The following DGKG variants were observed in gnomAD, a reference collection of about 807,000 sequenced individuals.
The protein encoded by DGKG is diacylglycerol kinase gamma.
Under a neutral mutation model 105.3 loss-of-function variants are expected in DGKG, and 78 were observed. That is an observed-to-expected ratio of 0.74 (90% CI 0.62 to 0.89). The LOEUF (loss-of-function observed/expected upper bound fraction) is 0.89. Among genes scored for constraint, DGKG ranks in the 40% least tolerant of loss-of-function variants. The pLI is 0.00. For missense variants in DGKG, 958 were observed against 1,020.1 expected, an observed-to-expected ratio of 0.94 and a Z score of 0.83; for synonymous variants, 346 against 367.1, an observed-to-expected ratio of 0.94 and a Z score of 0.66.
chr3:186,293,901 A>G (rs1723423876), intron 5 of DGKG, among the ~76,000 whole-genome samples: 1 of 149,606 alleles, frequency 6.7e-6, no homozygotes, highest in Admixed American at 6.7e-5. Context: ...TAATTAAGAC[A>G]TCTGTGGAAG....
chr3:186,167,073 A>C (rs2108482482), intron 22 of DGKG, among the ~76,000 whole-genome samples: 1 of 151,282 alleles, frequency 6.6e-6, no homozygotes, highest in South Asian at 2.1e-4. Flanking sequence ...CCCACACATT[A>C]CCTTGCTTCC....
chr3:186,202,894 C>G (rs527448666), intron 21 of DGKG, among the ~76,000 whole-genome samples: 6 of 152,178 alleles, frequency 3.9e-5, no homozygotes, highest in African/African-American at 1.2e-4. Context: ...ACTTCTAAGT[C>G]CACGGAAGAC....
At chr3:186,244,059 G>C (rs1329976860) in intron 19 of DGKG, among the ~76,000 whole-genome samples, 1 of 151,900 alleles carries the variant, frequency 6.6e-6, no homozygotes, top group Non-Finnish European at 1.5e-5. Context: ...ATCACACCGG[G>C]CTAATTTTTG....
At chr3:186,247,528 C>T (rs1721001395) in intron 19 of DGKG, among the ~76,000 whole-genome samples, 1 of 152,222 alleles carries the variant, frequency 6.6e-6, no homozygotes, top group Non-Finnish European at 1.5e-5. Context: ...CCTCGGTTTA[C>T]ATACCTACTT....
At chr3:186,188,092 G>A (rs765143020) in intron 22 of DGKG, 110 bp downstream of exon 22, 237 of 1,263,408 alleles carry the variant, frequency 1.9e-4, no homozygotes, top group Non-Finnish European at 2.6e-4. Context: ...TATCCGCAGA[G>A]CATGGAGTCC....
At chr3:186,348,488 G>A (rs1726470281) in intron 1 of DGKG, among the ~76,000 whole-genome samples, 1 of 112,982 alleles carries the variant, frequency 8.9e-6, no homozygotes, top group Admixed American at 1.2e-4. Context: ...GGGTCTCACT[G>A]TTGTTCAGGC....
At chr3:186,211,443 A>T (rs940203524) in intron 21 of DGKG, among the ~76,000 whole-genome samples, 1 of 152,148 alleles carries the variant, frequency 6.6e-6, no homozygotes, top group African/African-American at 2.4e-5. Flanking sequence ...GGCTTGGGAC[A>T]TTGTCTCTCC....
intron 1 of DGKG, among the ~76,000 whole-genome samples, chr3:186,343,738 T>C (rs1028221939): frequency 6.6e-6 from 1 of 152,232 alleles, no homozygotes; most frequent in Non-Finnish European, 1.5e-5. Context: ...CCAACTATAA[T>C]GACAATTAAC....
At chr3:186,345,040 C>G (rs1469507791) in intron 1 of DGKG, among the ~76,000 whole-genome samples, 1 of 152,126 alleles carries the variant, frequency 6.6e-6, no homozygotes, top group African/African-American at 2.4e-5. Flanking sequence ...TCTTCCACCT[C>G]TACCGTGTTT....
intron 3 of DGKG, among the ~76,000 whole-genome samples, chr3:186,306,145 T>C (rs868090572): frequency 6.6e-6 from 1 of 152,114 alleles, no homozygotes; most frequent in South Asian, 2.1e-4. Flanking sequence ...GTGAAGGTTA[T>C]AGACTGATGC....
intron 17 of DGKG, among the ~76,000 whole-genome samples, chr3:186,254,133 C>T (rs1721351073): frequency 1.3e-5 from 2 of 152,314 alleles, no homozygotes; most frequent in Admixed American, 6.5e-5. Context: ...GAAGAGGGCA[C>T]AGGCATCCAT....
At chr3:186,279,768 G>C in intron 9 of DGKG, 83 bp downstream of exon 9, 1 of 1,533,354 alleles carries the variant, frequency 6.5e-7, no homozygotes, top group Non-Finnish European at 8.8e-7. Flanking sequence ...TGGAGCAGAA[G>C]CCAAAGTGAT....
intron 5 of DGKG, among the ~76,000 whole-genome samples, chr3:186,296,482 G>C (rs1258440065): frequency 6.6e-6 from 1 of 152,140 alleles, no homozygotes; most frequent in Non-Finnish European, 1.5e-5. Context: ...ATTTTTGTAG[G>C]AGCTTCTGGC....
intron 1 of DGKG, among the ~76,000 whole-genome samples, chr3:186,348,340 G>A (rs1216117188): frequency 7.0e-6 from 1 of 143,468 alleles, no homozygotes; most frequent in African/African-American, 2.5e-5. Context: ...TTTTAATAAA[G>A]GATTTTAGTG....
At chr3:186,215,468 T>C (rs1719236014) in intron 20 of DGKG, among the ~76,000 whole-genome samples, 1 of 149,170 alleles carries the variant, frequency 6.7e-6, no homozygotes, top group Admixed American at 6.7e-5. Flanking sequence ...CTCAAGTGGC[T>C]GGGGAGGGGG....
chr3:186,190,414 G>A (rs74711904), intron 21 of DGKG, among the ~76,000 whole-genome samples: 1 of 152,194 alleles, frequency 6.6e-6, no homozygotes, highest in South Asian at 2.1e-4. Context: ...AGTACTTCTT[G>A]TGGCTGAAAT....
intron 20 of DGKG, among the ~76,000 whole-genome samples, chr3:186,240,419 C>T (rs771339103): frequency 2.6e-5 from 4 of 152,158 alleles, no homozygotes; most frequent in African/African-American, 4.8e-5. Context: ...GTGTGCATTA[C>T]GTTTTCAAAA....
chr3:186,349,385 T>C (rs7610279), intron 1 of DGKG, among the ~76,000 whole-genome samples: 1 of 152,224 alleles, frequency 6.6e-6, no homozygotes, highest in African/African-American at 2.4e-5. Flanking sequence ...TTCCACTGCA[T>C]GATTTTAATT....
At chr3:186,160,333 C>CA (rs1553796184) in intron 24 of DGKG, 2 of 963,488 alleles carry the variant, frequency 2.1e-6, no homozygotes, top group East Asian at 2.3e-4. Flanking sequence ...TTTCTTCCAC[C>CA]TTTTTTTTTG....
Sources: allele counts gnomAD v4.1 joint callset (sites outside exome capture counted in the v4.1 genomes callset), GRCh38; gene constraint gnomAD v4.1.1; transcripts MANE v1.5; gene names NCBI Gene and HGNC (gene_info 2026-07-23, HGNC 2026-07-21).